Variants in FOLR1 observed in about 807,000 individuals in gnomAD.
The protein encoded by FOLR1 is folate receptor alpha.
Under a neutral mutation model 22.8 loss-of-function variants are expected in FOLR1, and 11 were observed. The ratio of observed to expected loss-of-function variants is 0.48; its 90% CI spans 0.30 to 0.80. FOLR1 has a LOEUF of 0.80. Ranked by LOEUF, FOLR1 falls within the 30% of genes least tolerant of loss-of-function variation. The pLI, the probability that FOLR1 is intolerant of heterozygous loss-of-function variation, is 0.06. For missense variants in FOLR1, 273 were observed against 320.3 expected (o/e 0.85, Z 1.13); for synonymous variants, 108 against 116.5 (o/e 0.93, Z 0.47).
At chr11:72,194,005 A>G (rs1357500497) in intron 1 of FOLR1, among the ~76,000 whole-genome samples, 2 of 152,062 alleles carry the variant, frequency 1.3e-5, no homozygotes, top group Non-Finnish European at 2.9e-5. Flanking sequence ...GCTGGTCTCC[A>G]TTCTTGACCT....
At chr11:72,192,111 C>G (rs1302091309), upstream of FOLR1, 14 of 1,598,010 alleles carry the variant, frequency 8.8e-6, no homozygotes, top group Non-Finnish European at 1.1e-5. Flanking sequence ...CTGCACACAA[C>G]TTAAGGCCCC....
chr11:72,191,565 T>C (rs568465354), upstream of FOLR1, among the ~76,000 whole-genome samples: 36 of 152,210 alleles, frequency 2.4e-4, no homozygotes, highest in African/African-American at 8.4e-4. Flanking sequence ...TTTCACTATG[T>C]TGGCCAGGCT....
Position 72,196,279 on chromosome 11 carries a change from T to G in FOLR1, c.*102T>G. The stretch of plus-strand genomic sequence containing the variant: ...CATGGTCGGGCCTCTGACAGCCACT[T>G]TGAATAAACCAGACACCGCACATGT... On this transcript the variant is annotated 3_prime_UTR_variant, in exon 4 of 4. Transcript: ENST00000393676. 8.2e-7 allele frequency: 1 copy of G among 1,212,800 alleles called. No individual in the cohort carries two copies. The highest frequency in any genetic ancestry group is 1.2e-6 in the Non-Finnish European group (1 of 827,270). The allele number at this position is 1,212,800 out of a possible 1,614,324, so 75.1% of individuals were successfully genotyped here.
At chr11:72,192,790 T>A (rs1287717636) in intron 1 of FOLR1, among the ~76,000 whole-genome samples, 1 of 151,544 alleles carries the variant, frequency 6.6e-6, no homozygotes, top group Non-Finnish European at 1.5e-5. Context: ...TGAGACAAAG[T>A]CTCCATATGT....
intron 3 of FOLR1, 22 bp from the exon 4 acceptor site, chr11:72,195,875 A>C (rs763019807): frequency 3.7e-5 from 60 of 1,614,092 alleles, no homozygotes; most frequent in Non-Finnish European, 4.8e-5. Context: ...CAGTGGCTAA[A>C]GGTCTTCCCT....
At chr11:72,191,055 G>A (rs916075761), upstream of FOLR1, among the ~76,000 whole-genome samples, 1 of 152,206 alleles carries the variant, frequency 6.6e-6, no homozygotes, top group Middle Eastern at 3.2e-3. Flanking sequence ...TGGAGTGAAG[G>A]AAACAGTCGC....
In FOLR1 at chr11:72,196,014, G is replaced by A. The variant is rs377725668; in HGVS notation, c.611G>A (p.Arg204Gln). Reference sequence around the variant, plus strand: ...TCCTACAAGGTCAGCAACTACAGCCGAGGGAGTGGCCGCTGCATCCAGATG... The same window carrying A: ...TCCTACAAGGTCAGCAACTACAGCCAAGGGAGTGGCCGCTGCATCCAGATG... ...THSYKVSNYS[R>Q]GSGRCIQMWF... Residue 204 changes from arginine to glutamine, a missense_variant, in exon 4 of 4, where the codon CGA (arginine) becomes CAA (glutamine). Arg to Gln is a conservative substitution (Grantham distance 43). Coordinates refer to ENST00000393676, the MANE Select transcript of FOLR1 (RefSeq NM_016729.3). The A allele has an allele frequency of 2.3e-5, 37 of 1,614,082 alleles. No homozygotes were observed. The highest frequency in any genetic ancestry group is 6.7e-5 in the African/African-American group (5 of 74,926).
rs774152850 is a variant in FOLR1 at position 72,196,085 on chromosome 11, T to C, written c.682T>C (p.Phe228Leu). Residue 228 changes from phenylalanine to leucine, a missense_variant, in exon 4 of 4, where the codon TTC becomes CTC. Coordinates refer to ENST00000393676, the MANE Select transcript of FOLR1 (RefSeq NM_016729.3). The stretch of plus-strand genomic sequence containing the variant: ...CAACCCCAATGAGGAGGTGGCGAGG[T>C]TCTATGCTGCAGCCATGAGTGGGGC... ...QGNPNEEVAR[F>L]YAAAMSGAGP... 4.3e-6 allele frequency: 7 copies of C among 1,614,044 alleles called. No homozygotes were observed. The Admixed American group carries it at 1.2e-4, about 27-fold the overall frequency.
upstream of FOLR1, chr11:72,190,746 T>C (rs753743976): frequency 3.3e-5 from 5 of 152,094 alleles, no homozygotes; most frequent in African/African-American, 7.3e-5. Context: ...AGCAGAGTAA[T>C]GGATTGTGGA....
At chr11:72,192,366 G>A in intron 1 of FOLR1, 25 bp downstream of exon 1, 1 of 1,613,250 alleles carries the variant, frequency 6.2e-7, no homozygotes, top group Non-Finnish European at 8.5e-7. Context: ...GATCTGGGGT[G>A]GTGAGGGACT....
intron 1 of FOLR1, among the ~76,000 whole-genome samples, chr11:72,193,179 T>TA (rs957654210): frequency 6.6e-6 from 1 of 151,020 alleles, no homozygotes; most frequent in Non-Finnish European, 1.5e-5. Context: ...TACTAAAAAA[T>TA]AAAAAAAATT....
In FOLR1 at chr11:72,193,613, T is replaced by A. The variant is rs1212226430; in HGVS notation, c.168+1272T>A. 4.7e-5 allele frequency among the ~76,000 whole-genome samples: 7 copies of A among 150,144 alleles called. No individual in the cohort carries two copies. In the South Asian group the frequency reaches 1.3e-3, roughly 27 times the overall value. On this transcript the variant is annotated intron_variant, in intron 1 of 3. Transcript: ENST00000393676. Reference sequence around the variant, plus strand: ...CCACACCCAGCTAATTTTTTGTTTGTTTGTTTGTTTTGTTTGTTGGTATTT... The same window carrying A: ...CCACACCCAGCTAATTTTTTGTTTGATTGTTTGTTTTGTTTGTTGGTATTT...
In FOLR1 at chr11:72,195,385, G is replaced by A; in HGVS notation, c.283G>A (p.Ala95Thr). Residue 95 changes from alanine to threonine, a missense_variant, in exon 2 of 4, where the codon GCC becomes ACC. Ala to Thr is a moderately conservative substitution (Grantham distance 58, BLOSUM62 0). Transcript: ENST00000393676. ...NWNHCGEMAP[A>T]CKRHFIQDTC... ...GAACCACTGTGGAGAGATGGCACCTGCCTGCAAACGGCATTTCATCCAGGA... is the reference window on the plus strand; with the variant it reads ...GAACCACTGTGGAGAGATGGCACCTACCTGCAAACGGCATTTCATCCAGGA... 1.2e-6 allele frequency: 2 copies of A among 1,614,222 alleles called. No homozygotes were observed. Among genetic ancestry groups the A allele is most frequent in the Non-Finnish European group, 1.7e-6 (2 of 1,180,036 alleles).
At chr11:72,191,626 T>C (rs1005708408), upstream of FOLR1, among the ~76,000 whole-genome samples, 3 of 152,178 alleles carry the variant, frequency 2.0e-5, no homozygotes, top group Non-Finnish European at 2.9e-5. Context: ...CCTTCCAAAG[T>C]GCTGGGATTA....
rs568125452 is a variant in FOLR1 at position 72,193,919 on chromosome 11, G to A, written c.169-1352G>A. Among the ~76,000 whole-genome samples the A allele has an allele frequency of 8.6e-5, 13 of 151,926 alleles. No homozygotes were observed. The South Asian group carries it at 2.7e-3, about 32-fold the overall frequency. The stretch of plus-strand genomic sequence containing the variant: ...CTGCCTTGGCCTCCAGAGTAGCTGG[G>A]ACTATAGGCACCTGCCACCATGCCT... On this transcript the variant is annotated intron_variant, in intron 1 of 3. Transcript: ENST00000393676.
chr11:72,193,384 G>A (rs1198241687), intron 1 of FOLR1, among the ~76,000 whole-genome samples: 1 of 150,808 alleles, frequency 6.6e-6, no homozygotes, highest in Non-Finnish European at 1.5e-5. Context: ...AGGAAGGAAA[G>A]GGAGGGAGGA....
intron 1 of FOLR1, among the ~76,000 whole-genome samples, chr11:72,192,765 CTT>C (rs568572656): frequency 5.4e-5 from 8 of 146,810 alleles, no homozygotes; most frequent in Admixed American, 2.7e-4. Context: ...GCAAAGCATT[CTT>C]TTTTTTTTTT....
chr11:72,193,842 G>A (rs917566014), intron 1 of FOLR1, among the ~76,000 whole-genome samples: 1 of 151,638 alleles, frequency 6.6e-6, no homozygotes, highest in East Asian at 1.9e-4. Flanking sequence ...GGAGTGCAGT[G>A]GCACAATCTC....
At chr11:72,194,582 G>A (rs1283685270) in intron 1 of FOLR1, among the ~76,000 whole-genome samples, 1 of 152,176 alleles carries the variant, frequency 6.6e-6, no homozygotes, top group Non-Finnish European at 1.5e-5. Context: ...TGTATTTTTA[G>A]TAGAGACGGG....
Sources: allele counts gnomAD v4.1 joint callset (sites outside exome capture counted in the v4.1 genomes callset), GRCh38; gene constraint gnomAD v4.1.1; transcripts MANE v1.5; gene names NCBI Gene and HGNC (gene_info 2026-07-23, HGNC 2026-07-21).